Variants in CEMIP observed in about 807,000 individuals in gnomAD.
The protein encoded by CEMIP is cell migration-inducing and hyaluronan-binding protein.
A neutral mutation model predicts 156.9 loss-of-function variants in CEMIP; 105 were observed. The observed-to-expected ratio is 0.67, with a 90% confidence interval of 0.57 to 0.79. The LOEUF (loss-of-function observed/expected upper bound fraction) is 0.79. CEMIP is among the 30% of genes least tolerant of loss of function. CEMIP has a pLI of 0.00. For synonymous variants in CEMIP, 676 were observed against 668.4 expected (o/e 1.01, Z -0.17); for missense variants, 1,457 against 1,769.4 (o/e 0.82, Z 3.17).
intron 1 of CEMIP, among the ~76,000 whole-genome samples, chr15:80,803,578 C>T (rs1043895079): frequency 1.3e-5 from 2 of 152,286 alleles, no homozygotes; most frequent in Admixed American, 6.5e-5. Context: ...GGCCAGACAC[C>T]GTGATGAGTA....
intron 16 of CEMIP, 121 bp downstream of exon 16, chr15:80,921,222 C>A: frequency 1.2e-6 from 1 of 853,462 alleles, no homozygotes; most frequent in Non-Finnish European, 1.9e-6. Context: ...TCCATGCAGA[C>A]GGGCTTAGCT....
At chr15:80,921,981 G>T (rs759896068) in intron 16 of CEMIP, 28 bp from the exon 17 acceptor site, 1 of 1,613,766 alleles carries the variant, frequency 6.2e-7, no homozygotes, top group Non-Finnish European at 8.5e-7. Context: ...GAACGCTGTG[G>T]CTTTTCCCTT....
At chr15:80,922,705 C>T (rs1900521165) in intron 17 of CEMIP, among the ~76,000 whole-genome samples, 1 of 152,192 alleles carries the variant, frequency 6.6e-6, no homozygotes, top group Admixed American at 6.5e-5. Flanking sequence ...ATCTCCTAAG[C>T]ACCTGCCGTT....
chr15:80,930,985 G>T (rs907668011), intron 21 of CEMIP, among the ~76,000 whole-genome samples: 7 of 152,184 alleles, frequency 4.6e-5, no homozygotes, highest in African/African-American at 1.7e-4. Context: ...AGCCAGCCTC[G>T]CAGACCCTTG....
At chr15:80,923,941 G>A (rs1900564521) in intron 17 of CEMIP, among the ~76,000 whole-genome samples, 1 of 152,202 alleles carries the variant, frequency 6.6e-6, no homozygotes, top group Non-Finnish European at 1.5e-5. Flanking sequence ...AAGCCAGAGG[G>A]AGAATGAAAC....
At chr15:80,800,528 T>C (rs188456603) in intron 1 of CEMIP, among the ~76,000 whole-genome samples, 1 of 152,308 alleles carries the variant, frequency 6.6e-6, no homozygotes, top group African/African-American at 2.4e-5. Context: ...GTATTTCTCT[T>C]TAATAAAATC....
At chr15:80,915,640 T>C (rs539268376) in intron 14 of CEMIP, among the ~76,000 whole-genome samples, 1 of 152,278 alleles carries the variant, frequency 6.6e-6, no homozygotes, top group African/African-American at 2.4e-5. Context: ...GGTCCCTCTA[T>C]AGACCAAACG....
At chr15:80,943,770 G>C (rs1362666977) in intron 28 of CEMIP, among the ~76,000 whole-genome samples, 1 of 152,114 alleles carries the variant, frequency 6.6e-6, no homozygotes, top group Non-Finnish European at 1.5e-5. Flanking sequence ...GGCCTTTGCT[G>C]TTCATCACCA....
chr15:80,930,414 C>T (rs1900865597), intron 21 of CEMIP, among the ~76,000 whole-genome samples: 1 of 152,226 alleles, frequency 6.6e-6, no homozygotes, highest in Non-Finnish European at 1.5e-5. Context: ...GGAAACCTGT[C>T]AGACTGAGGC....
At chr15:80,840,409 C>T (rs1034251186) in intron 1 of CEMIP, among the ~76,000 whole-genome samples, 2 of 152,072 alleles carry the variant, frequency 1.3e-5, no homozygotes, top group Admixed American at 6.5e-5. Flanking sequence ...GCAGGGACCC[C>T]GGCTGGCCCA....
At chr15:80,947,141 T>C (rs1459597976) in intron 29 of CEMIP, 76 bp downstream of exon 29, 2 of 927,260 alleles carry the variant, frequency 2.2e-6, no homozygotes, top group Non-Finnish European at 3.5e-6. Context: ...GGTGCTGTCA[T>C]CTTTTGCTGA....
At chr15:80,938,217 C>A (rs1179850064) in intron 25 of CEMIP, 9 of 483,276 alleles carry the variant, frequency 1.9e-5, no homozygotes, top group African/African-American at 1.2e-4. Flanking sequence ...AGGGAATTTA[C>A]ATATTTCAGA....
In CEMIP at chr15:80,881,078, C is replaced by T. The variant is rs368854657; in HGVS notation, c.559C>T (p.Arg187Cys). The change falls in exon 6 of 30, where the codon CGT becomes TGT. Residue 187 changes from arginine (R) to cysteine (C), a missense_variant. This residue lies in a region of CEMIP where 309 missense variants were observed against 340.8 expected (regional missense o/e 0.91). Transcript: ENST00000394685. Reference sequence around the variant, plus strand: ...TTTTTTTGAAAGGAGCTGGGGCCACCGTGGAGTTATTGTTCATGTCATCGA... The same window carrying T: ...TTTTTTTGAAAGGAGCTGGGGCCACTGTGGAGTTATTGTTCATGTCATCGA... Reference protein sequence around the residue: ...GYFFERSWGHRGVIVHVIDPK... With the variant: ...GYFFERSWGHCGVIVHVIDPK... 8.7e-6 allele frequency: 14 copies of T among 1,614,036 alleles called. No individual in the cohort carries two copies. The highest frequency in any genetic ancestry group is 2.7e-5 in the African/African-American group (2 of 74,886).
chr15:80,812,428 T>C (rs939474456), intron 1 of CEMIP, among the ~76,000 whole-genome samples: 13 of 152,316 alleles, frequency 8.5e-5, no homozygotes, highest in African/African-American at 2.9e-4. Context: ...GAGACTTGGA[T>C]TCAAATCCTA....
rs1173057475 is a variant in CEMIP at position 80,950,608 on chromosome 15, C to T, written c.*1684C>T. ...GTCTCTGCAGCTCTACAGGTGAGGC[C>T]CAGCAGAGGGAGTAGGGCTCGCCAT... On this transcript the variant is annotated 3_prime_UTR_variant, in exon 30 of 30. Coordinates refer to ENST00000394685, the MANE Select transcript of CEMIP (RefSeq NM_001293298.2). The T allele has an allele frequency of 3.3e-5, 5 of 152,284 alleles. No homozygotes were observed. The highest frequency in any genetic ancestry group is 9.7e-5 in the African/African-American group (4 of 41,422). 9.4% of individuals were successfully genotyped at this position (152,284 alleles called of 1,614,324 possible).
intron 12 of CEMIP, chr15:80,900,695 T>C (rs1424034981): frequency 9.5e-6 from 3 of 315,052 alleles, no homozygotes; most frequent in Non-Finnish European, 1.9e-5. Flanking sequence ...GTGTGTATTT[T>C]GTGTCTGTCT....
chr15:80,936,462 A>G lies in CEMIP; in HGVS notation c.3010-212A>G, dbSNP rs550831688. Among the ~76,000 whole-genome samples the G allele has an allele frequency of 4.6e-5, 7 of 152,374 alleles. No homozygotes were observed. The South Asian group carries it at 1.4e-3, about 32-fold the overall frequency. ...TTTATGAAGATGAACAGAAAGCATT[A>G]GCTGGATTACACAGTAAGGCCTGGG... is the stretch of plus-strand genomic sequence containing the variant. On this transcript the variant is annotated intron_variant, in intron 23 of 29. Coordinates refer to ENST00000394685, the MANE Select transcript of CEMIP (RefSeq NM_001293298.2).
At chr15:80,881,693 C>A (rs939112709) in intron 6 of CEMIP, among the ~76,000 whole-genome samples, 1 of 152,134 alleles carries the variant, frequency 6.6e-6, no homozygotes, top group Non-Finnish European at 1.5e-5. Flanking sequence ...GCGGTAAGGA[C>A]GTGGGTTTTC....
intron 1 of CEMIP, among the ~76,000 whole-genome samples, chr15:80,788,185 T>A (rs929248614): frequency 1.3e-5 from 2 of 152,058 alleles, no homozygotes; most frequent in African/African-American, 4.8e-5. Flanking sequence ...TAAATTTTTT[T>A]TAAGGCCGGG....
Sources: gnomAD v4.1 joint callset for allele counts (sites outside exome capture counted in the v4.1 genomes callset) on GRCh38, gnomAD v4.1.1 for gene constraint, gnomAD v4.1.1 regional missense constraint, MANE v1.5 for transcripts, NCBI Gene and HGNC (gene_info 2026-07-23, HGNC 2026-07-21) for gene names.